The following ATRNL1 variants were observed in gnomAD, a reference collection of about 807,000 sequenced individuals.
ATRNL1 encodes attractin like 1, also known as attractin-like protein 1.
ATRNL1 carries 95 observed loss-of-function variants against 182.7 expected under a neutral mutation model. That is an observed-to-expected ratio of 0.52 (90% CI 0.44 to 0.62). ATRNL1 has a LOEUF of 0.62. Among genes scored for constraint, ATRNL1 ranks in the 20% least tolerant of loss-of-function variants. ATRNL1 has a pLI of 0.00. For missense variants in ATRNL1, 1,471 were observed against 1,679.5 expected (o/e 0.88, Z 2.17); for synonymous variants, 576 against 568.3 (o/e 1.01, Z -0.19).
intron 28 of ATRNL1, among the ~76,000 whole-genome samples, chr10:115,887,048 C>A (rs1951961469): frequency 6.6e-6 from 1 of 152,134 alleles, no homozygotes; most frequent in African/African-American, 2.4e-5. Flanking sequence ...GTGCAGGCAT[C>A]ATGTATTGGC....
Position 115,578,872 on chromosome 10 carries a change from G to C in ATRNL1, c.3795+29336G>C, listed in dbSNP as rs77276346. On this transcript the variant is annotated intron_variant, in intron 26 of 28. Transcript: ENST00000355044. ...GACATTTTTCACTTTAAGCTTTCTT[G>C]TTAGATTGCTTTTGCTGCATCCTAT... Among the ~76,000 whole-genome samples, 1,490 of 151,540 alleles carry C rather than the reference G, an allele frequency of 9.8e-3. 18 individuals are homozygous for C. The highest frequency in any genetic ancestry group is 0.034 in the African/African-American group (1,411 of 41,450).
intron 26 of ATRNL1, among the ~76,000 whole-genome samples, chr10:115,621,900 G>A (rs1188899721): frequency 6.6e-6 from 1 of 152,148 alleles, no homozygotes; most frequent in East Asian, 1.9e-4. Context: ...CCTTATGAAG[G>A]TGGATTTATC....
At chr10:115,722,741 A>G (rs1427399877) in intron 26 of ATRNL1, among the ~76,000 whole-genome samples, 1 of 152,122 alleles carries the variant, frequency 6.6e-6, no homozygotes, top group African/African-American at 2.4e-5. Context: ...ATGCATTGTG[A>G]TGACTTTATG....
intron 1 of ATRNL1, among the ~76,000 whole-genome samples, chr10:115,104,612 CT>C (rs1390720899): frequency 2.0e-5 from 3 of 152,084 alleles, no homozygotes; most frequent in Non-Finnish European, 1.5e-5. Context: ...CTCAAGAAAT[CT>C]TTGCCTAGTC....
chr10:115,457,992 G>A (rs2134513802), intron 21 of ATRNL1, among the ~76,000 whole-genome samples: 1 of 152,000 alleles, frequency 6.6e-6, no homozygotes, highest in Admixed American at 6.6e-5. Flanking sequence ...TATCAATAAA[G>A]CAATAAATTA....
intron 28 of ATRNL1, among the ~76,000 whole-genome samples, chr10:115,927,752 G>C (rs1200876183): frequency 6.6e-6 from 1 of 152,018 alleles, no homozygotes; most frequent in Non-Finnish European, 1.5e-5. Context: ...AAGAGAATCA[G>C]TGCACAGTGT....
chr10:115,553,413 C>A (rs1794830423), intron 26 of ATRNL1, among the ~76,000 whole-genome samples: 1 of 151,202 alleles, frequency 6.6e-6, no homozygotes. Flanking sequence ...TGTAAATTTA[C>A]AGTTTTTTTA....
At chr10:115,136,747 C>T (rs1554876785) in intron 5 of ATRNL1, among the ~76,000 whole-genome samples, 1 of 152,114 alleles carries the variant, frequency 6.6e-6, no homozygotes. Flanking sequence ...TTTAAGTTTC[C>T]TCCATGTCTT....
At chr10:115,158,525 A>G (rs1289457318) in intron 5 of ATRNL1, among the ~76,000 whole-genome samples, 7 of 152,180 alleles carry the variant, frequency 4.6e-5, no homozygotes, top group African/African-American at 1.7e-4. Flanking sequence ...AGTTTTCTAT[A>G]GCTGATTTAA....
At chr10:115,097,601 G>A (rs1554863475) in intron 1 of ATRNL1, among the ~76,000 whole-genome samples, 1 of 152,150 alleles carries the variant, frequency 6.6e-6, no homozygotes, top group Non-Finnish European at 1.5e-5. Context: ...GCAGAATAAA[G>A]TGTGTAAACT....
At chr10:115,326,690 A>G (rs541874540) in intron 18 of ATRNL1, among the ~76,000 whole-genome samples, 178 of 152,048 alleles carry the variant, frequency 1.2e-3, no homozygotes, top group Non-Finnish European at 1.7e-3. Flanking sequence ...ACTATACTAC[A>G]AGGCTACAGT....
intron 1 of ATRNL1, among the ~76,000 whole-genome samples, chr10:115,104,104 T>C (rs1344153731): frequency 3.3e-5 from 5 of 152,202 alleles, no homozygotes; most frequent in Non-Finnish European, 7.3e-5. Context: ...TTTTAATTTT[T>C]TGAGGAACCT....
chr10:115,426,075 A>G (rs1845871332), intron 20 of ATRNL1, among the ~76,000 whole-genome samples, 175 bp from the exon 21 acceptor site: 1 of 152,056 alleles, frequency 6.6e-6, no homozygotes, highest in Non-Finnish European at 1.5e-5. Flanking sequence ...AAAGCTTTCT[A>G]CAATTAATTC....
intron 20 of ATRNL1, among the ~76,000 whole-genome samples, chr10:115,419,736 A>T (rs1308106103): frequency 6.6e-6 from 1 of 152,244 alleles, no homozygotes; most frequent in Non-Finnish European, 1.5e-5. Flanking sequence ...ATAAACATAT[A>T]TGTGCCCACT....
chr10:115,534,740 G>C (rs1321923161), intron 25 of ATRNL1, among the ~76,000 whole-genome samples: 2 of 151,440 alleles, frequency 1.3e-5, no homozygotes, highest in Non-Finnish European at 3.0e-5. Flanking sequence ...TGTAGCAGCT[G>C]GTACCGGTTG....
At chr10:115,929,414 T>G (rs1246487618) in intron 28 of ATRNL1, among the ~76,000 whole-genome samples, 1 of 152,126 alleles carries the variant, frequency 6.6e-6, no homozygotes, top group Non-Finnish European at 1.5e-5. Context: ...CATCCTATCT[T>G]ATATTTATGT....
rs561978369 is a variant in ATRNL1, at chr10:115,864,031, T to C, written c.4018+16040T>C. 3.3e-5 allele frequency among the ~76,000 whole-genome samples: 5 copies of C among 152,240 alleles called. No homozygotes were observed. The East Asian group carries it at 9.7e-4, about 29-fold the overall frequency. On this transcript the variant is annotated intron_variant, in intron 28 of 28. Coordinates refer to ENST00000355044, the MANE Select transcript of ATRNL1 (RefSeq NM_207303.4). ...TGATCCATGAGTCCACACTGAAAGA[T>C]TGAATAGATAAAGAATAGATAGTTC...
At chr10:115,764,842 T>C (rs2960701) in intron 27 of ATRNL1, among the ~76,000 whole-genome samples, 144,577 of 152,134 alleles carry the variant, frequency 0.95, 69,112 homozygotes, top group East Asian at 1. Context: ...CCAGCTAAGT[T>C]TTTTTATTTT....
At chr10:115,535,218 C>T (rs569127427) in intron 25 of ATRNL1, among the ~76,000 whole-genome samples, 10 of 152,130 alleles carry the variant, frequency 6.6e-5, no homozygotes, top group Non-Finnish European at 1.2e-4. Flanking sequence ...AACTTGGCTC[C>T]ATTCTCCCCG....
Sources: allele counts gnomAD v4.1 joint callset (sites outside exome capture counted in the v4.1 genomes callset), GRCh38; gene constraint gnomAD v4.1.1; transcripts MANE v1.5; gene names NCBI Gene and HGNC (gene_info 2026-07-23, HGNC 2026-07-21).